The following ASCC1 variants were observed in gnomAD, a reference collection of about 807,000 sequenced individuals.
ASCC1 encodes the protein ASC-1 complex subunit P50.
In ASCC1, 35 loss-of-function variants were observed where a neutral mutation model predicts 46.6. The observed-to-expected ratio is 0.75, with a 90% confidence interval of 0.57 to 0.99. ASCC1 has a LOEUF of 0.99. Ranked by LOEUF, ASCC1 falls within the 50% of genes least tolerant of loss-of-function variation. The probability of loss-of-function intolerance (pLI) is 0.00; values close to 1 mark genes in which losing one functional copy is unlikely to be tolerated. For synonymous variants in ASCC1, 143 were observed against 146.6 expected, an observed-to-expected ratio of 0.98 and a Z score of 0.18; for missense variants, 376 against 428.7, an observed-to-expected ratio of 0.88 and a Z score of 1.09.
At chr10:72,196,420 A>G (rs1451219432) in intron 5 of ASCC1, among the ~76,000 whole-genome samples, 1 of 152,000 alleles carries the variant, frequency 6.6e-6, no homozygotes, top group Admixed American at 6.6e-5. Context: ...CTGGGATTAC[A>G]GGCACATGCC....
At chr10:72,160,863 C>G (rs918139673) in intron 6 of ASCC1, among the ~76,000 whole-genome samples, 4 of 150,008 alleles carry the variant, frequency 2.7e-5, no homozygotes, top group African/African-American at 7.3e-5. Context: ...GCGGGCGGAT[C>G]ACAAGGTCAA....
intron 9 of ASCC1, among the ~76,000 whole-genome samples, chr10:72,100,858 T>C (rs1841671652): frequency 6.6e-6 from 1 of 152,162 alleles, no homozygotes; most frequent in Admixed American, 6.5e-5. Flanking sequence ...CAATGAAAAC[T>C]AATGCTGTAG....
chr10:72,115,783 G>C (rs538349465), intron 9 of ASCC1, among the ~76,000 whole-genome samples: 1 of 152,316 alleles, frequency 6.6e-6, no homozygotes. Flanking sequence ...GACGGTGGCA[G>C]GAAGAATGGC....
At chr10:72,156,663 T>C (rs1047015874) in intron 6 of ASCC1, among the ~76,000 whole-genome samples, 5 of 150,986 alleles carry the variant, frequency 3.3e-5, no homozygotes, top group Non-Finnish European at 4.4e-5. Context: ...TCCCGGCTAC[T>C]CAGGAGGCTG....
rs146413137 is a variant in ASCC1, at chr10:72,097,404, T to C, written c.1004A>G (p.His335Arg). The C allele has an allele frequency of 1.9e-6, 3 of 1,614,026 alleles. No individual in the cohort carries two copies. The African/African-American group carries it at 4.0e-5, about 22-fold the overall frequency. ...YFGSLKLNSI[H>R]ISQRFTVDSF... ...GTCTACGGTGAACCTCTGAGAGATG[T>C]GAATTGAATTCAGCTTTAGGGAGCC... Residue 335 changes from histidine (H) to arginine (R), a missense_variant, in exon 10 of 10, where the codon CAC becomes CGC. His to Arg is a conservative substitution (Grantham distance 29, BLOSUM62 0). Transcript: ENST00000672957.
In ASCC1 at chr10:72,168,784, G is replaced by A. The variant is rs12269431; in HGVS notation, c.490-7110C>T. ...GGCCGGCAAAGAGAAACAGTCGCAT[G>A]AGGACACAGCAAGCAGGTGGCCATC... On this transcript the variant is annotated intron_variant, in intron 5 of 9. Transcript: ENST00000672957. Among the ~76,000 whole-genome samples the A allele has an allele frequency of 7.5e-3, 1,143 of 152,340 alleles. 11 individuals are homozygous for A. Among genetic ancestry groups the A allele is most frequent in the African/African-American group, 0.026 (1,071 of 41,578 alleles).
At position 72,137,300 on chromosome 10, in the gene ASCC1, G is replaced by A. The variant is rs112138875; in HGVS notation, c.747-4119C>T. On this transcript the variant is annotated intron_variant, in intron 7 of 9. Coordinates refer to ENST00000672957, the MANE Select transcript of ASCC1 (RefSeq NM_001198800.3). ...TCCCAGCACTTTGGGAGGCCAAGGC[G>A]TGCAGATCACGAGGTCAGAAGTTCG... 2.4e-3 allele frequency among the ~76,000 whole-genome samples: 362 copies of A among 151,936 alleles called. 2 individuals carry two copies. The highest frequency in any genetic ancestry group is 3.8e-3 in the Non-Finnish European group (259 of 67,928).
intron 4 of ASCC1, among the ~76,000 whole-genome samples, chr10:72,197,498 T>C (rs557459179): frequency 3.4e-4 from 46 of 136,442 alleles, no homozygotes; most frequent in African/African-American, 1.2e-3. Flanking sequence ...AAAAAGAATA[T>C]CCTTAAGACA....
At chr10:72,168,358 T>G (rs1314019957) in intron 5 of ASCC1, among the ~76,000 whole-genome samples, 1 of 151,990 alleles carries the variant, frequency 6.6e-6, no homozygotes, top group Non-Finnish European at 1.5e-5. Flanking sequence ...AAAATGCAAA[T>G]TAAAACTACA....
At chr10:72,108,076 CTTTTTTTTTT>C (rs375287948) in intron 9 of ASCC1, among the ~76,000 whole-genome samples, 1 of 128,354 alleles carries the variant, frequency 7.8e-6, no homozygotes, top group Admixed American at 7.9e-5. Flanking sequence ...TTTTCTTTTT[CTTTTTTTTTT>C]TTTTTTTTGA....
intron 1 of ASCC1, among the ~76,000 whole-genome samples, chr10:72,214,842 A>G (rs1441568507): frequency 6.6e-6 from 1 of 152,218 alleles, no homozygotes; most frequent in Admixed American, 6.6e-5. Flanking sequence ...CAACTTAACC[A>G]ATATGGTTCT....
intron 5 of ASCC1, among the ~76,000 whole-genome samples, chr10:72,163,487 C>T (rs1849958275): frequency 6.6e-6 from 1 of 152,124 alleles, no homozygotes; most frequent in Non-Finnish European, 1.5e-5. Context: ...GTAATCCCAG[C>T]ACTTTGGGAG....
At chr10:72,191,556 C>CA (rs1236726814) in intron 5 of ASCC1, among the ~76,000 whole-genome samples, 3 of 151,398 alleles carry the variant, frequency 2.0e-5, no homozygotes, top group African/African-American at 4.8e-5. Context: ...GCATCTCGTA[C>CA]AAAAAAATTA....
At chr10:72,216,835 T>A (rs1415937826), upstream of ASCC1, 1 of 456,162 alleles carries the variant, frequency 2.2e-6, no homozygotes, top group African/African-American at 2.0e-5. Context: ...CAGGGCCAAG[T>A]CCCAGGATAC....
At position 72,131,873 on chromosome 10, in the gene ASCC1, A is replaced by ATT. The variant is rs914278355; in HGVS notation, c.871+1182_871+1183dup. Among the ~76,000 whole-genome samples, 971 of 114,892 alleles carry ATT rather than the reference A, an allele frequency of 8.5e-3. 16 individuals are homozygous for ATT. The highest frequency in any genetic ancestry group is 0.03 in the African/African-American group (867 of 29,358). The allele number at this position is 114,892 out of a possible 152,430, so 75.4% of individuals were successfully genotyped here. ...TGGAGTTATCTTCTCCTCTAGATAGATTTTTTTTTTTTTTTTTTTTTTGAG... is the reference window on the plus strand; with the variant it reads ...TGGAGTTATCTTCTCCTCTAGATAGATTTTTTTTTTTTTTTTTTTTTTTTGAG... On this transcript the variant is annotated intron_variant, in intron 8 of 9. Coordinates refer to ENST00000672957, the MANE Select transcript of ASCC1 (RefSeq NM_001198800.3).
intron 4 of ASCC1, among the ~76,000 whole-genome samples, chr10:72,203,185 T>C (rs1589621769): frequency 6.9e-6 from 1 of 144,718 alleles, no homozygotes; most frequent in African/African-American, 2.6e-5. Flanking sequence ...ACTAGGGAGG[T>C]TGAGGCAGGA....
rs1855218688 is a variant in ASCC1, at chr10:72,195,193, C to A, written c.489+1618G>T. On this transcript the variant is annotated intron_variant, in intron 5 of 9. Transcript: ENST00000672957. ...ACAGGGTCTGGCTCCATTGCCCAGG[C>A]TGGAGTGCAATAATACAATCTCAGT... 2.5e-5 allele frequency among the ~76,000 whole-genome samples: 3 copies of A among 120,918 alleles called. No individual in the cohort carries two copies. The South Asian group carries it at 8.3e-4, about 33-fold the overall frequency. 79.3% of individuals were successfully genotyped at this position (120,918 alleles called of 152,430 possible).
At chr10:72,102,988 A>C (rs1056872470) in intron 9 of ASCC1, 8 of 449,470 alleles carry the variant, frequency 1.8e-5, no homozygotes, top group Non-Finnish European at 3.6e-5. Context: ...ACAAAACAAA[A>C]AAAAGATCAA....
intron 5 of ASCC1, among the ~76,000 whole-genome samples, chr10:72,167,678 C>A (rs1292498608): frequency 6.6e-6 from 1 of 150,426 alleles, no homozygotes; most frequent in African/African-American, 2.5e-5. Flanking sequence ...TCCTCTGTCA[C>A]CCAAGCTGGG....
Sources: allele counts gnomAD v4.1 joint callset (sites outside exome capture counted in the v4.1 genomes callset), GRCh38; gene constraint gnomAD v4.1.1; transcripts MANE v1.5; gene names NCBI Gene and HGNC (gene_info 2026-07-23, HGNC 2026-07-21).